Variants in WDFY2 observed in about 807,000 individuals in gnomAD.
WDFY2 encodes the protein WD repeat and FYVE domain containing 2, also known as WD repeat and FYVE domain-containing protein 2.
WDFY2 carries 36 observed loss-of-function variants against 56.4 expected under a neutral mutation model. The ratio of observed to expected loss-of-function variants is 0.64; its 90% CI spans 0.49 to 0.84. The LOEUF (loss-of-function observed/expected upper bound fraction) is 0.84, where lower values mean the gene tolerates loss of function less well. WDFY2 is among the 40% of genes least tolerant of loss of function. WDFY2 has a pLI of 0.00. For synonymous variants in WDFY2, 176 were observed against 183.7 expected (o/e 0.96, Z 0.34); for missense variants, 444 against 512.2 (o/e 0.87, Z 1.29).
At chr13:51,711,165 C>T (rs1359041247) in intron 4 of WDFY2, among the ~76,000 whole-genome samples, 2 of 152,080 alleles carry the variant, frequency 1.3e-5, no homozygotes, top group African/African-American at 4.8e-5. Flanking sequence ...CTTTGACAAA[C>T]CTGACAAAAA....
intron 3 of WDFY2, among the ~76,000 whole-genome samples, chr13:51,675,604 G>A (rs911860894): frequency 6.6e-6 from 1 of 152,230 alleles, no homozygotes; most frequent in African/African-American, 2.4e-5. Context: ...ATAAGCAACA[G>A]AACAGGAGGA....
chr13:51,710,019 A>ATCAG (rs1952174928), intron 4 of WDFY2, among the ~76,000 whole-genome samples: 1 of 152,236 alleles, frequency 6.6e-6, no homozygotes, highest in Non-Finnish European at 1.5e-5. Context: ...CCTGATGAAC[A>ATCAG]TCAGTGCAAA....
At chr13:51,710,446 G>A (rs1346597421) in intron 4 of WDFY2, among the ~76,000 whole-genome samples, 1 of 152,022 alleles carries the variant, frequency 6.6e-6, no homozygotes, top group Non-Finnish European at 1.5e-5. Flanking sequence ...AGGGCAATGA[G>A]GCAGGAGAAG....
chr13:51,611,404 C>G (rs1335663955), intron 1 of WDFY2, among the ~76,000 whole-genome samples: 1 of 152,094 alleles, frequency 6.6e-6, no homozygotes, highest in Non-Finnish European at 1.5e-5. Flanking sequence ...AAAGAATATC[C>G]TTTGTTTTCA....
At chr13:51,647,881 A>T (rs1955290553) in intron 1 of WDFY2, among the ~76,000 whole-genome samples, 2 of 152,252 alleles carry the variant, frequency 1.3e-5, no homozygotes, top group East Asian at 3.9e-4. Context: ...GTATACACAC[A>T]CACACGAGTC....
intron 1 of WDFY2, among the ~76,000 whole-genome samples, chr13:51,629,917 T>A (rs1046770036): frequency 2.0e-5 from 3 of 149,644 alleles, no homozygotes; most frequent in African/African-American, 7.4e-5. Flanking sequence ...ATGAAACCAC[T>A]CATGATCCCA....
chr13:51,644,198 A>C (rs1030690488), intron 1 of WDFY2, among the ~76,000 whole-genome samples: 11 of 152,172 alleles, frequency 7.2e-5, no homozygotes, highest in Non-Finnish European at 1.3e-4. Flanking sequence ...TTAAATTACT[A>C]AAAAAACAAA....
intron 1 of WDFY2, among the ~76,000 whole-genome samples, chr13:51,633,835 A>G (rs1954998420): frequency 6.6e-6 from 1 of 152,184 alleles, no homozygotes; most frequent in Non-Finnish European, 1.5e-5. Flanking sequence ...ATGATTTTTA[A>G]TAAATTTTTA....
At chr13:51,708,318 C>A (rs888239798) in intron 4 of WDFY2, among the ~76,000 whole-genome samples, 1 of 80,494 alleles carries the variant, frequency 1.2e-5, no homozygotes, top group Non-Finnish European at 2.4e-5. Flanking sequence ...ACAGCAAGAC[C>A]CCATCTCTAA....
At chr13:51,593,959 T>C (rs1292138110) in intron 1 of WDFY2, 1 of 152,222 alleles carries the variant, frequency 6.6e-6, no homozygotes, top group Non-Finnish European at 1.5e-5. Context: ...TGCAGTGCAG[T>C]GGCCATTCAG....
chr13:51,680,736 G>A (rs116389098), intron 3 of WDFY2, among the ~76,000 whole-genome samples: 86 of 152,234 alleles, frequency 5.6e-4, no homozygotes, highest in African/African-American at 2.0e-3. Context: ...ATAATTGAAA[G>A]GATCTTCTTC....
intron 1 of WDFY2, among the ~76,000 whole-genome samples, chr13:51,604,627 T>C (rs1954351306): frequency 1.3e-5 from 2 of 152,178 alleles, no homozygotes; most frequent in Admixed American, 1.3e-4. Context: ...TAAATTTAAA[T>C]TAATTAAAAT....
At chr13:51,692,982 A>G (rs1951777926) in intron 3 of WDFY2, among the ~76,000 whole-genome samples, 1 of 152,180 alleles carries the variant, frequency 6.6e-6, no homozygotes, top group African/African-American at 2.4e-5. Flanking sequence ...TTATTTGTGT[A>G]GAGGTGTTTG....
chr13:51,660,443 G>A (rs1044037621), intron 1 of WDFY2, among the ~76,000 whole-genome samples, 153 bp from the exon 2 acceptor site: 1 of 151,358 alleles, frequency 6.6e-6, no homozygotes, highest in Admixed American at 6.6e-5. Flanking sequence ...CAAGTGATAC[G>A]CCTACCTCGG....
Position 51,681,656 on chromosome 13 carries a change from A to G in WDFY2, c.279+6413A>G, listed in dbSNP as rs116171873. ...TTCTTCTGAGCTTGTGCTAAGTTAC[A>G]ATGAATTTAAACATATATATTACAT... On this transcript the variant is annotated intron_variant, in intron 3 of 11. Coordinates refer to ENST00000298125, the MANE Select transcript of WDFY2 (RefSeq NM_052950.4). 4.9e-3 allele frequency among the ~76,000 whole-genome samples: 752 copies of G among 152,282 alleles called. 5 individuals are homozygous for G. Among genetic ancestry groups the G allele is most frequent in the African/African-American group, 0.014 (590 of 41,558 alleles).
intron 1 of WDFY2, chr13:51,587,310 G>A (rs1170926226): frequency 1.3e-5 from 2 of 152,172 alleles, no homozygotes; most frequent in Non-Finnish European, 2.9e-5. Context: ...AGTTCCCTAT[G>A]GAGCTTTGTG....
chr13:51,653,679 C>G (rs957623254), intron 1 of WDFY2, among the ~76,000 whole-genome samples: 2 of 152,154 alleles, frequency 1.3e-5, no homozygotes, highest in South Asian at 2.1e-4. Flanking sequence ...CACTCCAGAC[C>G]CTGTTTGCCT....
At chr13:51,721,344 G>GT (rs1046389347) in intron 5 of WDFY2, among the ~76,000 whole-genome samples, 1 of 151,934 alleles carries the variant, frequency 6.6e-6, no homozygotes, top group African/African-American at 2.4e-5. Context: ...TCTTATGCTG[G>GT]TTTCTGTATC....
At chr13:51,649,547 G>T (rs1296923450) in intron 1 of WDFY2, among the ~76,000 whole-genome samples, 1 of 151,402 alleles carries the variant, frequency 6.6e-6, no homozygotes, top group Admixed American at 6.6e-5. Flanking sequence ...TTAACATTAG[G>T]TATATCTCCT....
Sources: allele counts gnomAD v4.1 joint callset (sites outside exome capture counted in the v4.1 genomes callset), GRCh38; gene constraint gnomAD v4.1.1; transcripts MANE v1.5; gene names NCBI Gene and HGNC (gene_info 2026-07-23, HGNC 2026-07-21).